The following ACER2 variants were observed in gnomAD, a reference collection of about 807,000 sequenced individuals.
ACER2 encodes alkCDase 2.
ACER2 carries 26 observed loss-of-function variants against 34.7 expected under a neutral mutation model. The ratio of observed to expected loss-of-function variants is 0.75; its 90% CI spans 0.55 to 1.04. ACER2 has a LOEUF of 1.04. Ranked by LOEUF, ACER2 falls within the 50% of genes least tolerant of loss-of-function variation. The pLI is 0.00. For synonymous variants in ACER2, 138 were observed against 132.1 expected (o/e 1.04, Z -0.31); for missense variants, 352 against 340.8 (o/e 1.03, Z -0.26).
chr9:19,416,501 G>C (rs1830243692), intron 1 of ACER2, among the ~76,000 whole-genome samples: 1 of 151,990 alleles, frequency 6.6e-6, no homozygotes, highest in South Asian at 2.1e-4. Flanking sequence ...TGTAAAACAA[G>C]GGATGGTTTT....
intron 1 of ACER2, among the ~76,000 whole-genome samples, chr9:19,422,274 G>T (rs1830428741): frequency 6.6e-6 from 1 of 151,694 alleles, no homozygotes; most frequent in African/African-American, 2.4e-5. Flanking sequence ...ACTCTAGCCT[G>T]GTTGACAGAG....
Position 19,424,556 on chromosome 9 carries a change from G to C in ACER2, c.224-144G>C, listed in dbSNP as rs1026862673. 7 of 1,474,606 alleles carry C rather than the reference G, an allele frequency of 4.7e-6. No individual in the cohort carries two copies. The African/African-American group carries it at 9.9e-5, about 21-fold the overall frequency. The allele number at this position is 1,474,606 out of a possible 1,614,324, so 91.3% of individuals were successfully genotyped here. On this transcript the variant is annotated intron_variant, in intron 2 of 5. Coordinates refer to ENST00000340967, the MANE Select transcript of ACER2 (RefSeq NM_001010887.3). ...AGGCATGCATGCTTGGGTGGTGTGA[G>C]TTTCTTTCTTCAGTTTCTTTTTTCA...
intron 1 of ACER2, among the ~76,000 whole-genome samples, chr9:19,421,291 C>T (rs1026087790): frequency 2.6e-5 from 4 of 152,134 alleles, no homozygotes; most frequent in Admixed American, 2.6e-4. Context: ...TAAGTTTTAA[C>T]ATATGAATTT....
At chr9:19,445,247 T>C (rs961834018) in intron 4 of ACER2, among the ~76,000 whole-genome samples, 231 of 152,356 alleles carry the variant, frequency 1.5e-3, no homozygotes, top group African/African-American at 5.2e-3. Flanking sequence ...TTCATTGAGC[T>C]GTTAGCATTT....
chr9:19,438,189 C>A (rs563365203), intron 4 of ACER2, among the ~76,000 whole-genome samples: 2 of 152,278 alleles, frequency 1.3e-5, no homozygotes, highest in African/African-American at 2.4e-5. Flanking sequence ...TCTTACTGTC[C>A]TTATTTGAAA....
chr9:19,416,838 G>A (rs533183186), intron 1 of ACER2, among the ~76,000 whole-genome samples: 74 of 152,142 alleles, frequency 4.9e-4, no homozygotes, highest in Non-Finnish European at 5.6e-4. Flanking sequence ...CCCGCCTAAG[G>A]GATGGTTTTT....
chr9:19,413,042 G>A (rs562763684), intron 1 of ACER2, among the ~76,000 whole-genome samples: 23 of 152,298 alleles, frequency 1.5e-4, no homozygotes, highest in Admixed American at 9.8e-4. Context: ...CAGTTTAAAT[G>A]CTGATAATTA....
At chr9:19,450,098 GGGTTCT>G (rs1471324441) in intron 5 of ACER2, 3 of 630,088 alleles carry the variant, frequency 4.8e-6, no homozygotes, top group African/African-American at 4.0e-5. Flanking sequence ...GTGAGAAGGT[GGGTTCT>G]AATCAGATGT....
At chr9:19,449,699 C>G (rs1360653420) in intron 5 of ACER2, among the ~76,000 whole-genome samples, 3 of 151,948 alleles carry the variant, frequency 2.0e-5, no homozygotes, top group African/African-American at 7.2e-5. Context: ...GCCTGGCCAA[C>G]ATGGTGAAAC....
rs143331816 is a variant in ACER2, at chr9:19,431,531, C to T, written c.366-3416C>T. On this transcript the variant is annotated intron_variant, in intron 3 of 5. Coordinates refer to ENST00000340967, the MANE Select transcript of ACER2 (RefSeq NM_001010887.3). ...AAAAAGGCCCAATTGCCTTGGCATG[C>T]GTCAAACCCAGTGGAAGAGTTATTG... is the stretch of plus-strand genomic sequence containing the variant. 1.8e-4 allele frequency among the ~76,000 whole-genome samples: 27 copies of T among 152,288 alleles called. No individual in the cohort carries two copies. The East Asian group carries it at 4.6e-3, about 26-fold the overall frequency.
intron 1 of ACER2, chr9:19,409,921 C>T: frequency 2.0e-6 from 2 of 985,396 alleles, no homozygotes; most frequent in African/African-American, 3.5e-5. Flanking sequence ...TGAGCAGAAA[C>T]TTCCCCATTG....
intron 3 of ACER2, among the ~76,000 whole-genome samples, chr9:19,433,835 T>G (rs1428567261): frequency 2.0e-5 from 3 of 146,548 alleles, no homozygotes; most frequent in African/African-American, 7.7e-5. Context: ...GCAGAGGGGC[T>G]CCTCACTTCC....
intron 4 of ACER2, among the ~76,000 whole-genome samples, chr9:19,439,027 A>C (rs773133375): frequency 1.3e-5 from 2 of 152,244 alleles, no homozygotes; most frequent in Non-Finnish European, 2.9e-5. Context: ...ATTATTATGC[A>C]GTTTAAATAA....
At chr9:19,413,139 G>A (rs1318173064) in intron 1 of ACER2, among the ~76,000 whole-genome samples, 1 of 152,172 alleles carries the variant, frequency 6.6e-6, no homozygotes, top group African/African-American at 2.4e-5. Flanking sequence ...TTTGGCCTCT[G>A]CAAATTTCTG....
intron 4 of ACER2, among the ~76,000 whole-genome samples, chr9:19,436,311 A>G (rs1830972380): frequency 6.6e-6 from 1 of 152,184 alleles, no homozygotes; most frequent in African/African-American, 2.4e-5. Context: ...TTTTTTAAAA[A>G]ACTAATTTTA....
chr9:19,449,074 GA>G (rs1831475067), intron 5 of ACER2, among the ~76,000 whole-genome samples: 1 of 152,224 alleles, frequency 6.6e-6, no homozygotes, highest in Non-Finnish European at 1.5e-5. Flanking sequence ...AGATTGAAGT[GA>G]GCTGAGATTG....
At chr9:19,443,323 C>A (rs561178734) in intron 4 of ACER2, among the ~76,000 whole-genome samples, 1 of 152,006 alleles carries the variant, frequency 6.6e-6, no homozygotes, top group Non-Finnish European at 1.5e-5. Context: ...TGAGCCACCA[C>A]GCCCGGCACA....
At chr9:19,409,241 T>C (rs1262610841) in intron 1 of ACER2, 49 bp downstream of exon 1, 3 of 1,518,788 alleles carry the variant, frequency 2.0e-6, no homozygotes, top group Non-Finnish European at 2.7e-6. Flanking sequence ...GGGAGGGGGC[T>C]GTTCCCGCGC....
At chr9:19,446,621 C>T (rs774145722) in intron 5 of ACER2, 194 of 985,248 alleles carry the variant, frequency 2.0e-4, no homozygotes, top group Non-Finnish European at 2.1e-4. Context: ...CAGGCTTAGC[C>T]GGAACGAAAG....
Sources: gnomAD v4.1 joint callset for allele counts (sites outside exome capture counted in the v4.1 genomes callset) on GRCh38, gnomAD v4.1.1 for gene constraint, MANE v1.5 for transcripts, NCBI Gene and HGNC (gene_info 2026-07-23, HGNC 2026-07-21) for gene names.